Variants in ADAMTSL1 observed in about 807,000 individuals in gnomAD.
The protein encoded by ADAMTSL1 is ADAMTS like 1.
ADAMTSL1 carries 126 observed loss-of-function variants against 201.8 expected under a neutral mutation model. The observed-to-expected ratio is 0.62, with a 90% CI of 0.54 to 0.72. The LOEUF (loss-of-function observed/expected upper bound fraction) is 0.72, where lower values mean the gene tolerates loss of function less well. Ranked by LOEUF, ADAMTSL1 falls within the 30% of genes least tolerant of loss-of-function variation. The probability of loss-of-function intolerance (pLI) is 0.00; values close to 1 mark genes in which losing one functional copy is unlikely to be tolerated. For synonymous variants in ADAMTSL1, 1,121 were observed against 903.4 expected (o/e 1.24, Z -4.32); for missense variants, 2,679 against 2,277.8 (o/e 1.18, Z -3.59).
At position 18,745,781 on chromosome 9, in the gene ADAMTSL1, T is replaced by C. The variant is rs145056467; in HGVS notation, c.2007-7517T>C. Among the ~76,000 whole-genome samples, 39 of 152,374 alleles carry C rather than the reference T, an allele frequency of 2.6e-4. 1 individual carries two copies. In the East Asian group the frequency reaches 7.5e-3, roughly 29 times the overall value. Reference sequence around the variant, plus strand: ...AATTTTACTAGATTTATCTTAGTCTTTCCACTTCACATATTTGTAACTCTC... The same window carrying C: ...AATTTTACTAGATTTATCTTAGTCTCTCCACTTCACATATTTGTAACTCTC... On this transcript the variant is annotated intron_variant, in intron 15 of 28. Transcript: ENST00000380548.
intron 1 of ADAMTSL1, among the ~76,000 whole-genome samples, chr9:18,157,783 C>T (rs1055098921): frequency 3.9e-5 from 6 of 151,924 alleles, no homozygotes; most frequent in Non-Finnish European, 8.8e-5. Context: ...TTTTATTAGC[C>T]ACCCCCACGA....
intron 2 of ADAMTSL1, among the ~76,000 whole-genome samples, chr9:18,430,312 T>C (rs1259253185): frequency 6.6e-6 from 1 of 152,186 alleles, no homozygotes; most frequent in Non-Finnish European, 1.5e-5. Flanking sequence ...TATTTTTCTG[T>C]GACCCACAAT....
chr9:18,182,385 C>A (rs1025517947), intron 2 of ADAMTSL1, among the ~76,000 whole-genome samples: 1 of 151,610 alleles, frequency 6.6e-6, no homozygotes, highest in Non-Finnish European at 1.5e-5. Flanking sequence ...CTATGAATTA[C>A]ATGTTGATTT....
rs1830566061 is a variant in ADAMTSL1, at chr9:18,910,928, A to ATAAT, written c.*2381_*2384dup. On this transcript the variant is annotated 3_prime_UTR_variant, in exon 29 of 29. Coordinates refer to ENST00000380548, the MANE Select transcript of ADAMTSL1 (RefSeq NM_001040272.6). ...AACTGTATTTGTATTTTTTGTACAGATAATACAGCTTATTTATTTAAATCT... is the reference window on the plus strand; with the variant it reads ...AACTGTATTTGTATTTTTTGTACAGATAATTAATACAGCTTATTTATTTAAATCT... 6.6e-6 allele frequency: 1 copy of ATAAT among 152,240 alleles called. No homozygotes were observed. Among genetic ancestry groups the ATAAT allele is most frequent in the African/African-American group, 2.4e-5 (1 of 41,452 alleles). 9.4% of individuals were successfully genotyped at this position (152,240 alleles called of 1,614,324 possible).
At chr9:18,137,280 A>G (rs1024452513) in intron 1 of ADAMTSL1, among the ~76,000 whole-genome samples, 1 of 152,192 alleles carries the variant, frequency 6.6e-6, no homozygotes, top group African/African-American at 2.4e-5. Flanking sequence ...AAGTTTGAAA[A>G]CAGATGAAAA....
intron 2 of ADAMTSL1, among the ~76,000 whole-genome samples, chr9:18,351,475 G>C (rs1214091114): frequency 6.6e-6 from 1 of 151,906 alleles, no homozygotes; most frequent in African/African-American, 2.4e-5. Flanking sequence ...AATTCTGAGA[G>C]TATTGGGAAA....
intron 2 of ADAMTSL1, among the ~76,000 whole-genome samples, chr9:18,243,878 C>T (rs1831159354): frequency 6.6e-6 from 1 of 150,640 alleles, no homozygotes; most frequent in South Asian, 2.1e-4. Context: ...TCTGCTTGTA[C>T]CAGTGGCACC....
chr9:18,087,843 A>G (rs1823834431), intron 1 of ADAMTSL1, among the ~76,000 whole-genome samples: 1 of 152,144 alleles, frequency 6.6e-6, no homozygotes, highest in African/African-American at 2.4e-5. Context: ...AGAACATACA[A>G]ACAGTATTAG....
rs1554672252 is a variant in ADAMTSL1, at chr9:18,399,280, C to CATGTATATAT, written c.208-105547_208-105546insGTATATATAT. Among the ~76,000 whole-genome samples, 6 of 31,008 alleles carry CATGTATATAT rather than the reference C, an allele frequency of 1.9e-4. 1 individual carries two copies. The highest frequency in any genetic ancestry group is 3.3e-4 in the Non-Finnish European group (5 of 15,290). 20.3% of individuals were successfully genotyped at this position (31,008 alleles called of 152,430 possible). A position where few individuals can be genotyped will look rare whatever the true frequency, so the allele number is the denominator to read the frequency against. On this transcript the variant is annotated intron_variant, in intron 2 of 29. Transcript: ENST00000680146. ...TTCTTTAGTTCCTCTGTCTGCTTTA[C>CATGTATATAT]ATATATATATATATATATATATATA...
At chr9:18,401,711 C>T (rs1433587382) in intron 2 of ADAMTSL1, among the ~76,000 whole-genome samples, 4 of 152,088 alleles carry the variant, frequency 2.6e-5, no homozygotes, top group Admixed American at 6.6e-5. Context: ...TCCTTTTCAT[C>T]AAATATTAAT....
chr9:18,553,799 A>T (rs1220368882), intron 3 of ADAMTSL1, among the ~76,000 whole-genome samples: 1 of 151,750 alleles, frequency 6.6e-6, no homozygotes, highest in Non-Finnish European at 1.5e-5. Context: ...TGTCATTCTA[A>T]TTTGTTTTTC....
intron 2 of ADAMTSL1, among the ~76,000 whole-genome samples, chr9:18,246,740 A>C (rs1311562217): frequency 6.6e-6 from 1 of 152,218 alleles, no homozygotes; most frequent in African/African-American, 2.4e-5. Context: ...GAATTGTAGC[A>C]GGAACATACA....
At chr9:18,468,457 CA>C (rs1474480696) in intron 2 of ADAMTSL1, among the ~76,000 whole-genome samples, 1 of 152,050 alleles carries the variant, frequency 6.6e-6, no homozygotes, top group African/African-American at 2.4e-5. Context: ...CTTCTATACC[CA>C]CCACCTAGAA....
intron 2 of ADAMTSL1, among the ~76,000 whole-genome samples, chr9:18,269,035 T>C (rs1416648579): frequency 6.6e-6 from 1 of 152,146 alleles, no homozygotes; most frequent in African/African-American, 2.4e-5. Flanking sequence ...AATCATTGTA[T>C]ATAACTTACA....
At chr9:18,321,569 G>A (rs538621476) in intron 2 of ADAMTSL1, among the ~76,000 whole-genome samples, 2 of 152,268 alleles carry the variant, frequency 1.3e-5, no homozygotes, top group South Asian at 2.1e-4. Flanking sequence ...TGAGGCAGGC[G>A]GATCATGAGG....
At chr9:18,281,139 C>A (rs1369680238) in intron 2 of ADAMTSL1, among the ~76,000 whole-genome samples, 1 of 152,104 alleles carries the variant, frequency 6.6e-6, no homozygotes, top group Admixed American at 6.5e-5. Flanking sequence ...TAAGGGTAAA[C>A]AAGCTTTATC....
rs189730499 is a variant in ADAMTSL1, at chr9:18,049,003, C to T, written c.88-114859C>T. On this transcript the variant is annotated intron_variant, in intron 1 of 29. Transcript: ENST00000680146. ...GTCCATGTGTCCACTCCCCTACTTC[C>T]GGCAGTTGCTGTCATTCATGGTGTT... is the stretch of plus-strand genomic sequence containing the variant. 7.2e-5 allele frequency among the ~76,000 whole-genome samples: 11 copies of T among 152,200 alleles called. No individual in the cohort carries two copies. In the East Asian group the frequency reaches 1.6e-3, roughly 22 times the overall value.
At chr9:18,614,242 A>G (rs1187213868) in intron 4 of ADAMTSL1, among the ~76,000 whole-genome samples, 1 of 152,158 alleles carries the variant, frequency 6.6e-6, no homozygotes, top group Non-Finnish European at 1.5e-5. Flanking sequence ...CCCAGAAGAG[A>G]GAACGCCAGG....
intron 5 of ADAMTSL1, among the ~76,000 whole-genome samples, chr9:18,628,961 T>G (rs141354152): frequency 1.6e-3 from 244 of 152,290 alleles, no homozygotes; most frequent in African/African-American, 5.7e-3. Context: ...ATTCCTTAGC[T>G]CAAGTGATCT....
Sources: gnomAD v4.1 joint callset for allele counts (sites outside exome capture counted in the v4.1 genomes callset) on GRCh38, gnomAD v4.1.1 for gene constraint, MANE v1.5 for transcripts, NCBI Gene and HGNC (gene_info 2026-07-23, HGNC 2026-07-21) for gene names.